Variants in INTS4 observed in about 807,000 individuals in gnomAD.
The protein encoded by INTS4 is MSTP093.
A neutral mutation model predicts 119.5 loss-of-function variants in INTS4; 70 were observed. The observed-to-expected ratio is 0.59, with a 90% CI of 0.48 to 0.71. The LOEUF is 0.71. Among genes scored for constraint, INTS4 ranks in the 30% least tolerant of loss-of-function variants. The pLI, the probability that INTS4 is intolerant of heterozygous loss-of-function variation, is 0.00. For missense variants in INTS4, 867 were observed against 1,173.2 expected, an observed-to-expected ratio of 0.74 and a Z score of 3.81; for synonymous variants, 316 against 419.6, an observed-to-expected ratio of 0.75 and a Z score of 3.02.
intron 8 of INTS4, among the ~76,000 whole-genome samples, chr11:77,949,553 G>A (rs1376487152): frequency 4.0e-5 from 6 of 149,148 alleles, no homozygotes; most frequent in African/African-American, 1.5e-4. Context: ...AAAAGTGGGT[G>A]AAGGATATGA....
downstream of INTS4, chr11:77,878,649 T>G (rs776062263): frequency 1.6e-6 from 1 of 635,564 alleles, no homozygotes; most frequent in Non-Finnish European, 2.8e-6. Flanking sequence ...AGGAATAGCA[T>G]GTAAGCACGT....
chr11:77,968,235 A>C (rs2136607581), intron 4 of INTS4, among the ~76,000 whole-genome samples: 1 of 152,358 alleles, frequency 6.6e-6, no homozygotes, highest in Middle Eastern at 3.4e-3. Context: ...CCTTAAAAAA[A>C]TACATATGAA....
chr11:77,895,529 A>T (rs1234833560), intron 18 of INTS4, among the ~76,000 whole-genome samples: 1 of 10,260 alleles, frequency 9.7e-5, no homozygotes, highest in African/African-American at 5.1e-4. Context: ...CTTTTCCTGA[A>T]AAAAAAAAAA....
intron 4 of INTS4, among the ~76,000 whole-genome samples, chr11:77,965,123 G>C (rs1407225631): frequency 2.0e-5 from 3 of 152,010 alleles, no homozygotes; most frequent in Admixed American, 6.5e-5. Context: ...GAGTGTAGTG[G>C]CATGATCATA....
chr11:77,892,175 C>T (rs1952302093), intron 19 of INTS4, among the ~76,000 whole-genome samples: 1 of 152,024 alleles, frequency 6.6e-6, no homozygotes, highest in Non-Finnish European at 1.5e-5. Context: ...TTTTTAAGAC[C>T]TACGAAGCGC....
At chr11:77,944,238 A>T (rs1410217600) in intron 8 of INTS4, among the ~76,000 whole-genome samples, 1 of 152,202 alleles carries the variant, frequency 6.6e-6, no homozygotes, top group East Asian at 1.9e-4. Context: ...GATAGACTCG[A>T]GGCTACAAAG....
At chr11:77,911,942 G>C (rs1953096657) in intron 15 of INTS4, among the ~76,000 whole-genome samples, 2 of 152,202 alleles carry the variant, frequency 1.3e-5, no homozygotes, top group South Asian at 4.1e-4. Flanking sequence ...ACTAGACAGA[G>C]TCAGCTCTGA....
intron 21 of INTS4, among the ~76,000 whole-genome samples, chr11:77,885,278 T>C (rs1465335417): frequency 6.6e-6 from 1 of 151,922 alleles, no homozygotes; most frequent in Non-Finnish European, 1.5e-5. Context: ...GGTTTCACCA[T>C]GTTGGCCAGG....
At chr11:77,965,785 A>C (rs1565278314) in intron 4 of INTS4, among the ~76,000 whole-genome samples, 1 of 152,236 alleles carries the variant, frequency 6.6e-6, no homozygotes, top group African/African-American at 2.4e-5. Flanking sequence ...TGCAATCAAC[A>C]TTGGAGTGCA....
At chr11:77,877,148 A>T (rs1565216768), downstream of INTS4, 1 of 650,766 alleles carries the variant, frequency 1.5e-6, no homozygotes. Context: ...GCCTGGAAAT[A>T]GACTGCCAGA....
intron 10 of INTS4, among the ~76,000 whole-genome samples, chr11:77,935,512 C>T (rs1465298136): frequency 6.6e-6 from 1 of 152,100 alleles, no homozygotes; most frequent in African/African-American, 2.4e-5. Context: ...AGACAGAGAC[C>T]ATCTGAGGCC....
chr11:77,899,815 T>A (rs769128717), intron 18 of INTS4, among the ~76,000 whole-genome samples: 28 of 152,272 alleles, frequency 1.8e-4, no homozygotes, highest in Non-Finnish European at 3.7e-4. Flanking sequence ...AAGTATGGTA[T>A]GATCCCCTTT....
intron 20 of INTS4, 101 bp downstream of exon 20, chr11:77,891,580 C>G: frequency 2.6e-6 from 4 of 1,565,240 alleles, no homozygotes; most frequent in Non-Finnish European, 1.7e-6. Context: ...CTCAGAGGAA[C>G]AGCCTAGCCC....
At position 77,946,664 on chromosome 11, in the gene INTS4, G is replaced by T. The variant is rs1487208672; in HGVS notation, c.919-5413C>A. On this transcript the variant is annotated intron_variant, in intron 8 of 22. Coordinates refer to ENST00000534064, the MANE Select transcript of INTS4 (RefSeq NM_033547.4). ...TAGTCCTAGCTACTCAGCAGGCTGA[G>T]GTGGGAGGATCACTTAAACCCAGGA... 3.3e-5 allele frequency among the ~76,000 whole-genome samples: 5 copies of T among 152,056 alleles called. No homozygotes were observed. The East Asian group carries it at 9.7e-4, about 29-fold the overall frequency.
chr11:77,986,203 TCGC>T (rs923111154), intron 2 of INTS4, among the ~76,000 whole-genome samples: 2 of 152,154 alleles, frequency 1.3e-5, no homozygotes, highest in African/African-American at 4.8e-5. Context: ...TTAAGAGTCT[TCGC>T]CACATTTATG....
At chr11:77,892,905 C>T (rs557070976) in intron 19 of INTS4, among the ~76,000 whole-genome samples, 1 of 151,662 alleles carries the variant, frequency 6.6e-6, no homozygotes, top group Admixed American at 6.5e-5. Context: ...TCTTAAAAAG[C>T]CAAGCTAGAT....
chr11:77,963,674 C>T (rs2136593729), intron 4 of INTS4, among the ~76,000 whole-genome samples: 2 of 152,144 alleles, frequency 1.3e-5, no homozygotes, highest in Admixed American at 1.3e-4. Context: ...ATCCATTCAG[C>T]ATCGATATGG....
chr11:77,970,168 G>A (rs1415085784), intron 4 of INTS4, among the ~76,000 whole-genome samples: 6 of 151,456 alleles, frequency 4.0e-5, no homozygotes, highest in Non-Finnish European at 5.9e-5. Context: ...AGGCTGAGGC[G>A]GGCAGATCAC....
At chr11:77,912,218 C>G (rs1423331855) in intron 15 of INTS4, among the ~76,000 whole-genome samples, 1 of 152,028 alleles carries the variant, frequency 6.6e-6, no homozygotes, top group Non-Finnish European at 1.5e-5. Context: ...AAAAATTAGC[C>G]AGGTGTGGTG....
Sources: gnomAD v4.1 joint callset for allele counts (sites outside exome capture counted in the v4.1 genomes callset) on GRCh38, gnomAD v4.1.1 for gene constraint, MANE v1.5 for transcripts, NCBI Gene and HGNC (gene_info 2026-07-23, HGNC 2026-07-21) for gene names.